GRK4: variants seen among roughly 807,000 people sequenced by gnomAD.
The protein encoded by GRK4 is G protein-coupled receptor kinase 2-like.
A neutral mutation model predicts 77.9 loss-of-function variants in GRK4; 73 were observed. The ratio of observed to expected loss-of-function variants is 0.94; its 90% CI spans 0.78 to 1.14. GRK4 has a LOEUF of 1.14. GRK4 is among the 50% of genes most tolerant of loss of function. The probability of loss-of-function intolerance (pLI) is 0.00; values close to 1 mark genes in which losing one functional copy is unlikely to be tolerated. For synonymous variants in GRK4, 257 were observed against 254.4 expected (o/e 1.01, Z -0.10); for missense variants, 729 against 700.2 (o/e 1.04, Z -0.46).
intron 8 of GRK4, among the ~76,000 whole-genome samples, chr4:3,015,952 G>A (rs1463319896): frequency 2.0e-5 from 3 of 149,752 alleles, no homozygotes; most frequent in African/African-American, 2.5e-5. Flanking sequence ...ACTGTCTCCC[G>A]GGCTGGAGTG....
chr4:2,999,716 A>C (rs1439272276), intron 4 of GRK4, among the ~76,000 whole-genome samples: 1 of 152,210 alleles, frequency 6.6e-6, no homozygotes, highest in East Asian at 1.9e-4. Flanking sequence ...CAATACCTTG[A>C]AATTAGGCAG....
chr4:3,040,551 G>A (rs2110113247), intron 15 of GRK4, 21 bp from the exon 16 acceptor site: 1 of 1,601,886 alleles, frequency 6.2e-7, no homozygotes, highest in Non-Finnish European at 8.5e-7. Flanking sequence ...GTGTGCCTGA[G>A]GCCGCCGCTG....
intron 8 of GRK4, among the ~76,000 whole-genome samples, chr4:3,015,545 G>T (rs889291255): frequency 1.3e-5 from 2 of 151,978 alleles, no homozygotes; most frequent in African/African-American, 4.8e-5. Flanking sequence ...CGTGGTGGCA[G>T]GCGCCTGTAG....
chr4:3,036,546 C>T (rs576696275), intron 13 of GRK4, among the ~76,000 whole-genome samples: 2 of 152,368 alleles, frequency 1.3e-5, no homozygotes, highest in South Asian at 2.1e-4. Flanking sequence ...CCACAGCTGC[C>T]GACTTCCGTG....
At chr4:2,977,695 C>T (rs1422469895) in intron 1 of GRK4, among the ~76,000 whole-genome samples, 1 of 152,162 alleles carries the variant, frequency 6.6e-6, no homozygotes, top group Non-Finnish European at 1.5e-5. Flanking sequence ...CAAGATCCTC[C>T]TGTGGATCTC....
intron 13 of GRK4, 65 bp downstream of exon 13, chr4:3,035,588 T>G: frequency 6.6e-7 from 1 of 1,512,004 alleles, no homozygotes; most frequent in Non-Finnish European, 8.9e-7. Context: ...GGTTTTTCTC[T>G]TTCTTTTTTC....
chr4:3,009,376 C>T (rs926931698), intron 6 of GRK4, among the ~76,000 whole-genome samples: 8 of 144,874 alleles, frequency 5.5e-5, no homozygotes, highest in Non-Finnish European at 1.0e-4. Flanking sequence ...GAGCCTAGAT[C>T]GTGCCACTGC....
At chr4:3,035,748 G>A (rs968797883) in intron 13 of GRK4, among the ~76,000 whole-genome samples, 1 of 151,050 alleles carries the variant, frequency 6.6e-6, no homozygotes, top group Non-Finnish European at 1.5e-5. Flanking sequence ...GTTTTTTTTT[G>A]TTTTTTATTA....
intron 11 of GRK4, among the ~76,000 whole-genome samples, chr4:3,028,875 G>A (rs573614873): frequency 1.3e-5 from 2 of 151,740 alleles, no homozygotes; most frequent in South Asian, 2.1e-4. Context: ...AGGCACAAGC[G>A]ATTCTCCTGC....
At chr4:2,985,980 G>A (rs28414352) in intron 2 of GRK4, among the ~76,000 whole-genome samples, 49,246 of 132,160 alleles carry the variant, frequency 0.37, 9,292 homozygotes, top group African/African-American at 0.46. Context: ...ACAAGACTCC[G>A]TCTCAAAAAA....
intron 6 of GRK4, among the ~76,000 whole-genome samples, chr4:3,009,049 T>G (rs563891008): frequency 6.6e-6 from 1 of 152,298 alleles, no homozygotes; most frequent in South Asian, 2.1e-4. Context: ...TATTTCCTAG[T>G]GTTGGCTGGT....
intron 7 of GRK4, among the ~76,000 whole-genome samples, chr4:3,011,936 C>T (rs141725784): frequency 5.3e-5 from 8 of 152,318 alleles, no homozygotes; most frequent in African/African-American, 1.4e-4. Context: ...GTACTTCAGA[C>T]GTGGGCAGAC....
chr4:3,001,032 C>G (rs1405871904), intron 4 of GRK4, among the ~76,000 whole-genome samples: 3 of 148,376 alleles, frequency 2.0e-5, no homozygotes, highest in Non-Finnish European at 3.0e-5. Context: ...TCCCAAGTCT[C>G]TCCTCATCCA....
chr4:3,017,027 G>T (rs1429369356), intron 8 of GRK4, among the ~76,000 whole-genome samples: 1 of 152,162 alleles, frequency 6.6e-6, no homozygotes, highest in Non-Finnish European at 1.5e-5. Context: ...CCTCTCCCTG[G>T]AGCCCTCTGC....
At chr4:3,013,254 G>A (rs1296804450) in intron 7 of GRK4, among the ~76,000 whole-genome samples, 1 of 151,892 alleles carries the variant, frequency 6.6e-6, no homozygotes, top group Non-Finnish European at 1.5e-5. Context: ...GTGTCGCCAT[G>A]TTGGCCAGGT....
chr4:2,986,852 T>C (rs1220079107), intron 2 of GRK4: 21 of 342,170 alleles, frequency 6.1e-5, no homozygotes, highest in Non-Finnish European at 8.8e-5. Context: ...GTATTATATT[T>C]ATAAAAATTA....
At chr4:2,993,859 C>T (rs1430130513) in intron 4 of GRK4, among the ~76,000 whole-genome samples, 2 of 152,098 alleles carry the variant, frequency 1.3e-5, no homozygotes, top group Non-Finnish European at 2.9e-5. Context: ...AACCAGGAAT[C>T]GAACATGTGG....
chr4:2,980,342 C>T (rs1437413636), intron 1 of GRK4, among the ~76,000 whole-genome samples: 2 of 152,084 alleles, frequency 1.3e-5, no homozygotes, highest in East Asian at 3.8e-4. Context: ...GACTTGTTTC[C>T]CTCATCATCC....
intron 1 of GRK4, among the ~76,000 whole-genome samples, chr4:2,964,356 A>G (rs138994785): frequency 3.5e-4 from 53 of 151,500 alleles, no homozygotes; most frequent in African/African-American, 1.2e-3. Flanking sequence ...CAGATGAGAG[A>G]AGTCTGCGCT....
Sources: allele counts gnomAD v4.1 joint callset (sites outside exome capture counted in the v4.1 genomes callset), GRCh38; gene constraint gnomAD v4.1.1; transcripts MANE v1.5; gene names NCBI Gene and HGNC (gene_info 2026-07-23, HGNC 2026-07-21).